MAMDC2: variants seen among roughly 807,000 people sequenced by gnomAD.
MAMDC2 encodes the protein MAM domain-containing protein 2.
A neutral mutation model predicts 89.8 loss-of-function variants in MAMDC2; 57 were observed. The ratio of observed to expected loss-of-function variants is 0.63; its 90% CI spans 0.51 to 0.79. The LOEUF (loss-of-function observed/expected upper bound fraction) is 0.79. Ranked by LOEUF, MAMDC2 falls within the 30% of genes least tolerant of loss-of-function variation. MAMDC2 has a pLI of 0.00. For missense variants in MAMDC2, 800 were observed against 820.6 expected (o/e 0.97, Z 0.31); for synonymous variants, 313 against 293.4 (o/e 1.07, Z -0.68).
rs1354865231 is a variant in MAMDC2 at position 70,124,412 on chromosome 9, C to T, written c.644-1747C>T. On this transcript the variant is annotated intron_variant, in intron 5 of 13. Coordinates refer to ENST00000377182, the MANE Select transcript of MAMDC2 (RefSeq NM_153267.5). ...GTTTATTCACTGTTGTGTGGTTTGG[C>T]AAAACGATAAGGTAAACTATATTCA... Among the ~76,000 whole-genome samples, 3 of 152,058 alleles carry T rather than the reference C, an allele frequency of 2.0e-5. No homozygotes were observed. The East Asian group carries it at 5.8e-4, about 29-fold the overall frequency.
chr9:70,091,954 G>A (rs1182420089), intron 2 of MAMDC2, among the ~76,000 whole-genome samples: 3 of 152,064 alleles, frequency 2.0e-5, no homozygotes, highest in Non-Finnish European at 4.4e-5. Flanking sequence ...TCCAAATAAC[G>A]GGGACTTCAT....
chr9:70,122,041 A>C (rs905134729), intron 5 of MAMDC2, among the ~76,000 whole-genome samples: 6 of 152,228 alleles, frequency 3.9e-5, no homozygotes, highest in Non-Finnish European at 7.3e-5. Flanking sequence ...TAACAGTTCA[A>C]CTGAGATAGT....
intron 11 of MAMDC2, among the ~76,000 whole-genome samples, chr9:70,211,809 G>A (rs141941408): frequency 6.6e-6 from 1 of 152,286 alleles, no homozygotes; most frequent in East Asian, 1.9e-4. Flanking sequence ...GGGTTTTGGT[G>A]TGGATGTCCT....
rs1386521223 is a variant in MAMDC2, at chr9:70,198,179, TATAC to T, written c.1652-20156_1652-20153del. ...ATGTGTGTATATATATATATATATA[TATAC>T]ACACACACACACACAATATATAATA... On this transcript the variant is annotated intron_variant, in intron 11 of 13. Transcript: ENST00000377182. Among the ~76,000 whole-genome samples the T allele has an allele frequency of 3.7e-3, 109 of 29,170 alleles. No individual in the cohort carries two copies. In the East Asian group the frequency reaches 0.049, roughly 13 times the overall value. 19.1% of individuals were successfully genotyped at this position (29,170 alleles called of 152,430 possible). A position where few individuals can be genotyped will look rare whatever the true frequency, so the allele number is the denominator to read the frequency against.
At chr9:70,094,206 C>G (rs1187430070) in intron 2 of MAMDC2, among the ~76,000 whole-genome samples, 1 of 152,148 alleles carries the variant, frequency 6.6e-6, no homozygotes, top group Non-Finnish European at 1.5e-5. Context: ...GGATAATTTC[C>G]CTGTTGTCAG....
chr9:70,221,729 G>A (rs994209056), intron 12 of MAMDC2, among the ~76,000 whole-genome samples: 8 of 151,956 alleles, frequency 5.3e-5, no homozygotes, highest in Non-Finnish European at 5.9e-5. Context: ...TTGTGTGTGT[G>A]TGTGTGTATA....
At chr9:70,083,998 T>G (rs1302443245) in intron 2 of MAMDC2, among the ~76,000 whole-genome samples, 1 of 152,114 alleles carries the variant, frequency 6.6e-6, no homozygotes, top group African/African-American at 2.4e-5. Context: ...TCTTCTCAAG[T>G]CTTTTCCAAT....
intron 11 of MAMDC2, among the ~76,000 whole-genome samples, chr9:70,196,072 G>A (rs1205285683): frequency 6.6e-6 from 1 of 152,068 alleles, no homozygotes; most frequent in Non-Finnish European, 1.5e-5. Context: ...TCTTAACGTG[G>A]CGGCAAGGCA....
At chr9:70,134,062 T>G (rs2030911845) in intron 7 of MAMDC2, among the ~76,000 whole-genome samples, 1 of 152,208 alleles carries the variant, frequency 6.6e-6, no homozygotes, top group Non-Finnish European at 1.5e-5. Context: ...CATTTTTTCC[T>G]TAACTTGGTT....
intron 11 of MAMDC2, among the ~76,000 whole-genome samples, chr9:70,174,347 T>TTG (rs1452970888): frequency 6.6e-6 from 1 of 152,138 alleles, no homozygotes; most frequent in Non-Finnish European, 1.5e-5. Flanking sequence ...TAATTATAAT[T>TTG]ATGCAGTATT....
At chr9:70,188,862 C>T (rs2032819303) in intron 11 of MAMDC2, 1 of 150,016 alleles carries the variant, frequency 6.7e-6, no homozygotes, top group Non-Finnish European at 1.5e-5. Context: ...ACCTCGGCCT[C>T]CCAAAGTGCT....
At chr9:70,047,723 C>A (rs1826790557) in intron 2 of MAMDC2, among the ~76,000 whole-genome samples, 1 of 152,082 alleles carries the variant, frequency 6.6e-6, no homozygotes, top group African/African-American at 2.4e-5. Context: ...GTGGAGAGAA[C>A]AATGCAAAAG....
chr9:70,101,376 A>G (rs1190012007), intron 2 of MAMDC2, among the ~76,000 whole-genome samples: 2 of 152,196 alleles, frequency 1.3e-5, no homozygotes, highest in Non-Finnish European at 2.9e-5. Flanking sequence ...TTTTATATAA[A>G]TTCAGAATAG....
intron 2 of MAMDC2, chr9:70,071,509 T>A (rs551740795): frequency 1.3e-5 from 2 of 152,352 alleles, no homozygotes; most frequent in African/African-American, 4.8e-5. Flanking sequence ...ATGCCTTACT[T>A]ATTTCCCTGG....
chr9:70,091,387 A>T (rs1827897803), intron 2 of MAMDC2, among the ~76,000 whole-genome samples: 1 of 152,178 alleles, frequency 6.6e-6, no homozygotes. Flanking sequence ...AGAAGGCAGG[A>T]GCCACAGTGT....
intron 6 of MAMDC2, among the ~76,000 whole-genome samples, chr9:70,130,843 TC>T (rs2030779246): frequency 6.6e-6 from 1 of 152,178 alleles, no homozygotes; most frequent in Non-Finnish European, 1.5e-5. Context: ...AGCTGATTTT[TC>T]CTTTAATTGA....
Position 70,108,376 on chromosome 9 carries a change from G to T in MAMDC2, c.314G>T (p.Arg105Ile), listed in dbSNP as rs1270312134. ...SDPSQLNLYMRFEDESFDRLL... is the reference protein window; with the variant it reads ...SDPSQLNLYMIFEDESFDRLL... ...CCCAGCCAGCTGAACCTCTACATGA[G>T]ATTTGAAGATGAAAGCTTTGATCGC... is the stretch of plus-strand genomic sequence containing the variant. The change falls in exon 3 of 14, where the codon AGA (arginine) becomes ATA (isoleucine). Residue 105 changes from arginine to isoleucine, a missense_variant. Physicochemically the swap from Arg to Ile is moderately conservative, Grantham distance 97. Transcript: ENST00000377182. 3 of 1,614,002 alleles carry T rather than the reference G, an allele frequency of 1.9e-6. No individual in the cohort carries two copies. The African/African-American group carries it at 4.0e-5, about 22-fold the overall frequency.
intron 2 of MAMDC2, among the ~76,000 whole-genome samples, chr9:70,066,882 TC>T (rs1234664386): frequency 6.6e-6 from 1 of 152,184 alleles, no homozygotes; most frequent in Non-Finnish European, 1.5e-5. Context: ...CATAAACAAC[TC>T]AATTAATAAA....
intron 4 of MAMDC2, among the ~76,000 whole-genome samples, chr9:70,110,435 A>C (rs145108694): frequency 9.9e-5 from 15 of 152,266 alleles, no homozygotes; most frequent in African/African-American, 3.6e-4. Context: ...GAGAGGACTG[A>C]ATAGGGACAG....
Sources: allele counts gnomAD v4.1 joint callset (sites outside exome capture counted in the v4.1 genomes callset), GRCh38; gene constraint gnomAD v4.1.1; transcripts MANE v1.5; gene names NCBI Gene and HGNC (gene_info 2026-07-23, HGNC 2026-07-21).